Variants in NECTIN1 observed in about 807,000 individuals in gnomAD.
NECTIN1 encodes the protein nectin-1.
A neutral mutation model predicts 48.0 loss-of-function variants in NECTIN1; 23 were observed. The observed-to-expected ratio is 0.48, with a 90% CI of 0.34 to 0.68. NECTIN1 has a LOEUF of 0.68. Ranked by LOEUF, NECTIN1 falls within the 30% of genes least tolerant of loss-of-function variation. NECTIN1 has a pLI of 0.01. For missense variants in NECTIN1, 591 were observed against 709.9 expected, an observed-to-expected ratio of 0.83 and a Z score of 1.90; for synonymous variants, 270 against 288.9, an observed-to-expected ratio of 0.93 and a Z score of 0.66.
At chr11:119,681,198 C>T (rs1359920826) in intron 1 of NECTIN1, among the ~76,000 whole-genome samples, 4 of 152,230 alleles carry the variant, frequency 2.6e-5, no homozygotes, top group East Asian at 1.9e-4. Flanking sequence ...TTGGGTGCTC[C>T]CCACCCCTCC....
rs1167988547 is a variant in NECTIN1 at position 119,709,432 on chromosome 11, G to A, written c.79+19043C>T. On this transcript the variant is annotated intron_variant, in intron 1 of 5. Transcript: ENST00000264025. This position sits in a 1 kb window ranked among gnomAD's most constrained non-coding sequence, Gnocchi z 4.1. ...GGGGAGAGCCTGCAGGGGCAGGGGC[G>A]CAGAGGAAGCCGAGACTACCCTCTA... Among the ~76,000 whole-genome samples, 22 of 152,164 alleles carry A rather than the reference G, an allele frequency of 1.4e-4. No homozygotes were observed. Among genetic ancestry groups the A allele is most frequent in the Admixed American group, 1.4e-3 (22 of 15,276 alleles).
chr11:119,703,153 C>T (rs1231958399), intron 1 of NECTIN1, among the ~76,000 whole-genome samples: 5 of 152,240 alleles, frequency 3.3e-5, no homozygotes, highest in African/African-American at 1.2e-4. Flanking sequence ...GTAACTGACA[C>T]ACGGCATGAC....
At chr11:119,720,658 T>C (rs570557645) in intron 1 of NECTIN1, among the ~76,000 whole-genome samples, 1 of 152,260 alleles carries the variant, frequency 6.6e-6, no homozygotes, top group African/African-American at 2.4e-5. Context: ...GACACCTCCT[T>C]CAAGCCATGG....
At position 119,728,458 on chromosome 11, in the gene NECTIN1, G is replaced by C; in HGVS notation, c.79+17C>G. 1.3e-6 allele frequency: 2 copies of C among 1,592,436 alleles called. No individual in the cohort carries two copies. Among genetic ancestry groups the C allele is most frequent in the East Asian group, 4.6e-5 (2 of 43,468 alleles). On this transcript the variant is annotated intron_variant, in intron 1 of 5. Coordinates refer to ENST00000264025, the MANE Select transcript of NECTIN1 (RefSeq NM_002855.5). ...GCATTGGATGGGGGTGGGGACAGCA[G>C]AGGTGAGCGCTCTTACCTGGGAGGA...
chr11:119,666,409 G>A (rs2135543890), intron 5 of NECTIN1, among the ~76,000 whole-genome samples: 1 of 152,360 alleles, frequency 6.6e-6, no homozygotes, highest in East Asian at 1.9e-4. Context: ...GTGGCTTTCT[G>A]TGCCAGTGGG....
rs988273822 is a variant in NECTIN1, at chr11:119,683,094, G to A, written c.80-4329C>T. On this transcript the variant is annotated intron_variant, in intron 1 of 5. Transcript: ENST00000264025. The surrounding 1 kb of genome is among the most constrained non-coding windows in gnomAD (Gnocchi z 4.0). ...GACCATGTCACGCCTGCCACTGGCA[G>A]GGTCCAGGGCTTGGGGAGTTCCCTG... Among the ~76,000 whole-genome samples, 1 of 152,216 alleles carries A rather than the reference G, an allele frequency of 6.6e-6. No homozygotes were observed. The highest frequency in any genetic ancestry group is 6.5e-5 in the Admixed American group (1 of 15,284).
intron 1 of NECTIN1, among the ~76,000 whole-genome samples, chr11:119,689,590 G>C (rs1865217020): frequency 6.6e-6 from 1 of 152,248 alleles, no homozygotes; most frequent in African/African-American, 2.4e-5. Flanking sequence ...GCAATGAGGA[G>C]AAGGCAACCT....
intron 1 of NECTIN1, among the ~76,000 whole-genome samples, chr11:119,725,754 G>C (rs1028457194): frequency 1.3e-5 from 2 of 152,206 alleles, no homozygotes; most frequent in African/African-American, 2.4e-5. Context: ...CAGGTCTTCC[G>C]AGGGTGTGCA....
rs1160593373 is a variant in NECTIN1 at position 119,684,623 on chromosome 11, GCA to G, written c.80-5860_80-5859del. On this transcript the variant is annotated intron_variant, in intron 1 of 5. Transcript: ENST00000264025. The surrounding 1 kb of genome is among the most constrained non-coding windows in gnomAD (Gnocchi z 5.2). ...CTCCATCTGAAACCCTGCTGAGGCAGCACAGTGACCTAAAGGTTATAGGCCCC... is the reference window on the plus strand; with the variant it reads ...CTCCATCTGAAACCCTGCTGAGGCAGCAGTGACCTAAAGGTTATAGGCCCC... Among the ~76,000 whole-genome samples, 7 of 151,990 alleles carry G rather than the reference GCA, an allele frequency of 4.6e-5. No homozygotes were observed. The highest frequency in any genetic ancestry group is 4.6e-4 in the Admixed American group (7 of 15,252).
chr11:119,659,507 C>A (rs1443648029), downstream of NECTIN1, among the ~76,000 whole-genome samples: 5 of 152,114 alleles, frequency 3.3e-5, no homozygotes, highest in Non-Finnish European at 7.4e-5. Flanking sequence ...GGGATGGAGG[C>A]AAGGGTTGTG....
chr11:119,660,437 T>C (rs999259104), downstream of NECTIN1, among the ~76,000 whole-genome samples: 3 of 150,856 alleles, frequency 2.0e-5, no homozygotes, highest in Non-Finnish European at 4.4e-5. Context: ...AGGGAGAGCT[T>C]GCAGGGGATG....
intron 1 of NECTIN1, among the ~76,000 whole-genome samples, chr11:119,718,882 A>G (rs1333376773): frequency 6.6e-6 from 1 of 152,212 alleles, no homozygotes; most frequent in Non-Finnish European, 1.5e-5. Context: ...TCAGACTTCA[A>G]ATTTGTTCAG....
Position 119,665,340 on chromosome 11 carries a change from C to T in NECTIN1, c.1004-43G>A. 1 of 1,540,096 alleles carries T rather than the reference C, an allele frequency of 6.5e-7. No individual in the cohort carries two copies. The highest frequency in any genetic ancestry group is 1.2e-5 in the South Asian group (1 of 81,286). ...ATGGAGGGGACAGCATCAGCGTGTGCTCCTGGGGTGTAGAGGGGGTGGGAG... is the reference window on the plus strand; with the variant it reads ...ATGGAGGGGACAGCATCAGCGTGTGTTCCTGGGGTGTAGAGGGGGTGGGAG... On this transcript the variant is annotated intron_variant, in intron 5 of 5. Transcript: ENST00000264025. This position sits in a 1 kb window ranked among gnomAD's most constrained non-coding sequence, Gnocchi z 5.1.
chr11:119,676,296 C>T (rs1351226515), intron 4 of NECTIN1, among the ~76,000 whole-genome samples: 2 of 152,200 alleles, frequency 1.3e-5, no homozygotes, highest in Non-Finnish European at 2.9e-5. Flanking sequence ...CCTGGGTCCA[C>T]AGAGCTGAAA....
intron 1 of NECTIN1, among the ~76,000 whole-genome samples, chr11:119,693,223 C>G (rs554092158): frequency 8.6e-5 from 13 of 151,652 alleles, no homozygotes; most frequent in Admixed American, 2.0e-4. Context: ...GGGTGTGTGT[C>G]TCTCTCTCTC....
At chr11:119,702,656 CA>C (rs1865477576) in intron 1 of NECTIN1, among the ~76,000 whole-genome samples, 1 of 152,246 alleles carries the variant, frequency 6.6e-6, no homozygotes, top group Admixed American at 6.5e-5. Context: ...CCAGCTCTGC[CA>C]CTTGCAAGCT....
chr11:119,701,200 T>G (rs555937521), intron 1 of NECTIN1, among the ~76,000 whole-genome samples: 2 of 152,308 alleles, frequency 1.3e-5, no homozygotes, highest in South Asian at 4.1e-4. Context: ...AATTATTGCT[T>G]GTTATAGCTC....
chr11:119,717,691 C>T (rs1219675368), intron 1 of NECTIN1, among the ~76,000 whole-genome samples: 1 of 152,204 alleles, frequency 6.6e-6, no homozygotes, highest in African/African-American at 2.4e-5. Context: ...GATTCAAAAC[C>T]CTCAAAGGGG....
intron 1 of NECTIN1, among the ~76,000 whole-genome samples, chr11:119,706,809 ACT>A (rs1865554621): frequency 6.6e-6 from 1 of 151,870 alleles, no homozygotes. Flanking sequence ...ATTTGTATAT[ACT>A]CTTATTTAAT....
Sources: allele counts gnomAD v4.1 joint callset (sites outside exome capture counted in the v4.1 genomes callset), GRCh38; gene constraint gnomAD v4.1.1; non-coding constraint Gnocchi (gnomAD v3.1); transcripts MANE v1.5; gene names NCBI Gene and HGNC (gene_info 2026-07-23, HGNC 2026-07-21).